ASB1: variants seen among roughly 807,000 people sequenced by gnomAD.
The protein encoded by ASB1 is ankyrin repeat and SOCS box containing 1.
ASB1 carries 18 observed loss-of-function variants against 27.7 expected under a neutral mutation model. That is an observed-to-expected ratio of 0.65 (90% CI 0.45 to 0.96). ASB1 has a LOEUF of 0.96. ASB1 is among the 50% of genes least tolerant of loss of function. The probability of loss-of-function intolerance (pLI) is 0.00; values close to 1 mark genes in which losing one functional copy is unlikely to be tolerated. For synonymous variants in ASB1, 189 were observed against 187.6 expected (o/e 1.01, Z -0.06); for missense variants, 397 against 451.7 (o/e 0.88, Z 1.10).
chr2:238,427,103 A>G lies in ASB1; in HGVS notation c.33A>G (p.Ala11=), dbSNP rs1432683144. MAEGGSPDGR[A]GPGSAGRNLK... is the part of the protein sequence containing the mutation. ...AGGGCGGCAGCCCAGACGGGCGGGCAGGGCCGGGCTCCGCAGGTAACGTGC... is the reference window on the plus strand; with the variant it reads ...AGGGCGGCAGCCCAGACGGGCGGGCGGGGCCGGGCTCCGCAGGTAACGTGC... The change falls in exon 1 of 5, where the codon GCA becomes GCG. Residue 11 remains alanine (A), a synonymous_variant. Coordinates refer to ENST00000264607, the MANE Select transcript of ASB1 (RefSeq NM_001040445.3). The G allele has an allele frequency of 5.9e-5, 74 of 1,258,898 alleles. 1 individual carries two copies. In the Admixed American group the frequency reaches 2.8e-3, roughly 48 times the overall value. The allele number at this position is 1,258,898 out of a possible 1,614,324, so 78.0% of individuals were successfully genotyped here. A position where few individuals can be genotyped will look rare whatever the true frequency, so the allele number is the denominator to read the frequency against.
chr2:238,427,412 A>C, intron 1 of ASB1: 1 of 323,372 alleles, frequency 3.1e-6, no homozygotes, highest in Non-Finnish European at 5.6e-6. Context: ...CAGATTTGAT[A>C]TGACCCAACC....
chr2:238,438,313 C>T (rs1575004883), intron 3 of ASB1, among the ~76,000 whole-genome samples: 1 of 148,124 alleles, frequency 6.8e-6, no homozygotes, highest in African/African-American at 2.5e-5. Flanking sequence ...CATTCTCCTG[C>T]CTCAGCCTCC....
In ASB1 at chr2:238,437,838, G is replaced by A. The variant is rs535071169; in HGVS notation, c.494+1825G>A. Among the ~76,000 whole-genome samples, 16 of 152,274 alleles carry A rather than the reference G, an allele frequency of 1.1e-4. No individual in the cohort carries two copies. The East Asian group carries it at 3.1e-3, about 29-fold the overall frequency. ...AGCACAGAATATGGTCTTTAAATTA[G>A]GTACTGAGAATATGTTTTTCCTGTT... On this transcript the variant is annotated intron_variant, in intron 3 of 4. Transcript: ENST00000264607.
intron 3 of ASB1, among the ~76,000 whole-genome samples, chr2:238,439,345 C>T (rs920935198): frequency 1.1e-4 from 16 of 151,928 alleles, no homozygotes; most frequent in East Asian, 1.9e-4. Flanking sequence ...CGTGTTGGTC[C>T]GTGTGCTGGT....
At chr2:238,430,190 A>G (rs1490669224) in intron 1 of ASB1, among the ~76,000 whole-genome samples, 2 of 152,154 alleles carry the variant, frequency 1.3e-5, no homozygotes, top group Admixed American at 6.5e-5. Flanking sequence ...TCTCTGTAGC[A>G]TGAGACGTTG....
intron 2 of ASB1, 43 bp from the exon 3 acceptor site, chr2:238,435,668 C>A: frequency 6.4e-7 from 1 of 1,567,596 alleles, no homozygotes; most frequent in South Asian, 1.2e-5. Flanking sequence ...CCGTCCCTGT[C>A]CTGCGGCTGC....
At chr2:238,434,508 T>G (rs1701930723) in intron 2 of ASB1, among the ~76,000 whole-genome samples, 1 of 152,234 alleles carries the variant, frequency 6.6e-6, no homozygotes, top group African/African-American at 2.4e-5. Context: ...GCGCCGAAAC[T>G]AATGCCACAA....
intron 3 of ASB1, among the ~76,000 whole-genome samples, chr2:238,442,612 G>A (rs917232199): frequency 5.9e-5 from 9 of 151,996 alleles, no homozygotes; most frequent in African/African-American, 1.7e-4. Context: ...TTTATTTGTG[G>A]ATTTTGTGTC....
intron 3 of ASB1, among the ~76,000 whole-genome samples, chr2:238,440,992 G>T (rs1702068056): frequency 6.6e-6 from 1 of 152,212 alleles, no homozygotes; most frequent in African/African-American, 2.4e-5. Flanking sequence ...GGGCCTTCCA[G>T]GTGAACGTGA....
intron 3 of ASB1, among the ~76,000 whole-genome samples, chr2:238,442,667 A>G (rs542654173): frequency 6.6e-5 from 10 of 152,234 alleles, no homozygotes; most frequent in African/African-American, 2.2e-4. Flanking sequence ...TAGTTTTTGC[A>G]TGGTTTCATA....
rs938216487 is a variant in ASB1 at position 238,435,494 on chromosome 2, G to C, written c.192-217G>C. ...GTGCTGATCATTCTGCAGGTGCCTT[G>C]AGTTTCCTGTCTCTGGAATGGGGCT... On this transcript the variant is annotated intron_variant, in intron 2 of 4. Coordinates refer to ENST00000264607, the MANE Select transcript of ASB1 (RefSeq NM_001040445.3). Among the ~76,000 whole-genome samples, 6 of 152,222 alleles carry C rather than the reference G, an allele frequency of 3.9e-5. No individual in the cohort carries two copies. The East Asian group carries it at 9.6e-4, about 24-fold the overall frequency.
rs1702141124 is a variant in ASB1, at chr2:238,444,564, C to T, written c.717C>T (p.Val239=). Residue 239 remains valine (V), a synonymous_variant, in exon 4 of 5, where the codon GTC becomes GTT. Transcript: ENST00000264607. ...QGFYRGSPGC[V]MDAVLRHGCE... ...TCTACAGGGGCTCCCCTGGGTGCGT[C>T]ATGGATGCTGTTCTGCGCCACGGCT... The T allele has an allele frequency of 1.2e-6, 2 of 1,614,214 alleles. No homozygotes were observed. The highest frequency in any genetic ancestry group is 1.3e-5 in the African/African-American group (1 of 75,050).
Position 238,427,135 on chromosome 2 carries a change from C to T in ASB1, c.49+16C>T, listed in dbSNP as rs1701772264. ...GGCTCCGCAGGTAACGTGCGCGCGG[C>T]CACTGGGCCGCGGGGCGTGTGGGGA... is the stretch of plus-strand genomic sequence containing the variant. On this transcript the variant is annotated intron_variant, in intron 1 of 4. Coordinates refer to ENST00000264607, the MANE Select transcript of ASB1 (RefSeq NM_001040445.3). 2.4e-6 allele frequency: 3 copies of T among 1,242,910 alleles called. No homozygotes were observed. The highest frequency in any genetic ancestry group is 3.0e-6 in the Non-Finnish European group (3 of 992,782). The allele number at this position is 1,242,910 out of a possible 1,614,324, so 77.0% of individuals were successfully genotyped here.
chr2:238,436,086 T>A, intron 3 of ASB1, 73 bp downstream of exon 3: 1 of 1,402,518 alleles, frequency 7.1e-7, no homozygotes, highest in Non-Finnish European at 9.4e-7. Context: ...AGTTTTTCTG[T>A]CTTTAGAATT....
chr2:238,446,446 C>T lies in ASB1; in HGVS notation c.943C>T (p.Arg315Trp), dbSNP rs1415505385. Residue 315 changes from arginine to tryptophan, a missense_variant, in exon 5 of 5, where the codon CGG (arginine) becomes TGG (tryptophan). Coordinates refer to ENST00000264607, the MANE Select transcript of ASB1 (RefSeq NM_001040445.3). ...TGTGAGAAGAGCTCTTGGCAAACAC[C>T]GGCTTCATCTGATTCCTTCGCTGCC... ...VAVRRALGKH[R>W]LHLIPSLPLP... 9.9e-6 allele frequency: 16 copies of T among 1,613,996 alleles called. No individual in the cohort carries two copies. Among genetic ancestry groups the T allele is most frequent in the Admixed American group, 5.0e-5 (3 of 60,008 alleles).
chr2:238,437,863 T>TG (rs1445727275), intron 3 of ASB1, among the ~76,000 whole-genome samples: 3 of 152,204 alleles, frequency 2.0e-5, no homozygotes, highest in African/African-American at 7.2e-5. Context: ...TTTTTCCTGT[T>TG]GAAGGGTTTT....
chr2:238,443,837 A>G (rs1702125066), intron 3 of ASB1, among the ~76,000 whole-genome samples: 1 of 151,626 alleles, frequency 6.6e-6, no homozygotes, highest in African/African-American at 2.4e-5. Flanking sequence ...CTAATATTGG[A>G]GTTACCTGTG....
At position 238,450,000 on chromosome 2, in the gene ASB1, G is replaced by A. The variant is rs1423890009; in HGVS notation, c.*3489G>A. The A allele has an allele frequency of 6.6e-6, 1 of 152,282 alleles. No homozygotes were observed. The highest frequency in any genetic ancestry group is 1.5e-5 in the Non-Finnish European group (1 of 68,082). 9.4% of individuals were successfully genotyped at this position (152,282 alleles called of 1,614,324 possible). A position where few individuals can be genotyped will look rare whatever the true frequency, so the allele number is the denominator to read the frequency against. On this transcript the variant is annotated 3_prime_UTR_variant, in exon 5 of 5. Coordinates refer to ENST00000264607, the MANE Select transcript of ASB1 (RefSeq NM_001040445.3). ...ACAGAGGCAGCTCCACTTCAGACAG[G>A]GACAAGGCTTCCTGCTGTGCCTTTC... is the stretch of plus-strand genomic sequence containing the variant.
chr2:238,446,713 GTTA>G lies in ASB1; in HGVS notation c.*208_*210del, dbSNP rs757385512. The G allele has an allele frequency of 2.1e-4, 122 of 586,146 alleles. No homozygotes were observed. The highest frequency in any genetic ancestry group is 9.4e-4 in the Middle Eastern group (2 of 2,126). 36.3% of individuals were successfully genotyped at this position (586,146 alleles called of 1,614,324 possible). A position where few individuals can be genotyped will look rare whatever the true frequency, so the allele number is the denominator to read the frequency against. ...TGTCAGCTGAGAGGCTTATACTAAA[GTTA>G]TTATTGTTTTTCCCAAGTTCTCTGT... On this transcript the variant is annotated 3_prime_UTR_variant, in exon 5 of 5. Transcript: ENST00000264607.
Sources: allele counts gnomAD v4.1 joint callset (sites outside exome capture counted in the v4.1 genomes callset), GRCh38; gene constraint gnomAD v4.1.1; transcripts MANE v1.5; gene names NCBI Gene and HGNC (gene_info 2026-07-23, HGNC 2026-07-21).